Variants in SSH2 observed in about 807,000 individuals in gnomAD.
SSH2 encodes slingshot protein phosphatase 2.
In SSH2, 37 loss-of-function variants were observed where a neutral mutation model predicts 135.2. The observed-to-expected ratio is 0.27, with a 90% CI of 0.21 to 0.36. SSH2 has a LOEUF of 0.36. Among genes scored for constraint, SSH2 ranks in the 10% least tolerant of loss-of-function variants. The pLI, the probability that SSH2 is intolerant of heterozygous loss-of-function variation, is 1.00. For synonymous variants in SSH2, 628 were observed against 646.2 expected (o/e 0.97, Z 0.43); for missense variants, 1,408 against 1,765.3 (o/e 0.80, Z 3.63).
chr17:29,875,771 A>G (rs779259053), intron 1 of SSH2, among the ~76,000 whole-genome samples: 2 of 152,102 alleles, frequency 1.3e-5, no homozygotes, highest in African/African-American at 2.4e-5. Context: ...TTTTGTTTAA[A>G]TGACTCTTTT....
chr17:29,637,547 C>T (rs146687532), intron 14 of SSH2, among the ~76,000 whole-genome samples: 132 of 152,118 alleles, frequency 8.7e-4, no homozygotes, highest in African/African-American at 3.0e-3. Context: ...CATGGGAGGC[C>T]GAGGCGGGCA....
chr17:29,883,879 T>C (rs1349321128), intron 1 of SSH2, among the ~76,000 whole-genome samples: 3 of 152,116 alleles, frequency 2.0e-5, no homozygotes, highest in Non-Finnish European at 2.9e-5. Context: ...ACAAGAAAAA[T>C]ATTTGACCTT....
intron 5 of SSH2, among the ~76,000 whole-genome samples, chr17:29,691,365 A>T (rs767553062): frequency 6.6e-6 from 1 of 152,184 alleles, no homozygotes; most frequent in African/African-American, 2.4e-5. Context: ...AACGTGCAAG[A>T]GTACTATAAA....
At chr17:29,730,211 A>G (rs2040133229) in intron 3 of SSH2, among the ~76,000 whole-genome samples, 1 of 151,464 alleles carries the variant, frequency 6.6e-6, no homozygotes, top group South Asian at 2.1e-4. Flanking sequence ...GGTCCCTGCT[A>G]CTTGGGAGGC....
intron 3 of SSH2, among the ~76,000 whole-genome samples, chr17:29,761,887 A>T (rs28525049): frequency 0.94 from 134,980 of 143,582 alleles, 63,825 homozygotes; most frequent in South Asian, 0.99. Flanking sequence ...ATATATATAT[A>T]TTTTTTTTTG....
intron 3 of SSH2, among the ~76,000 whole-genome samples, chr17:29,707,860 G>C (rs150952858): frequency 1.3e-5 from 2 of 151,976 alleles, no homozygotes; most frequent in Non-Finnish European, 1.5e-5. Context: ...TAATAGGCGC[G>C]ATACAGGCTC....
chr17:29,636,875 TC>T, intron 14 of SSH2, 73 bp from the exon 15 acceptor site: 1 of 1,054,028 alleles, frequency 9.5e-7, no homozygotes, highest in African/African-American at 1.6e-5. Flanking sequence ...AGGAAAACAC[TC>T]CCAGATAAAT....
Position 29,703,065 on chromosome 17 carries a change from A to G in SSH2, c.189-3T>C, listed in dbSNP as rs1449224365. 4 of 1,605,180 alleles carry G rather than the reference A, an allele frequency of 2.5e-6. No homozygotes were observed. The Admixed American group carries it at 6.7e-5, about 27-fold the overall frequency. On this transcript the variant is annotated splice_polypyrimidine_tract_variant and splice_region_variant and intron_variant, in intron 3 of 15. Coordinates refer to ENST00000540801, the MANE Select transcript of SSH2 (RefSeq NM_001282129.2). ...CAGTTAGAAAGCTCTCGCTGATGCTACAAGGAAAAAGTCAAAAGAAAATAA... is the reference window on the plus strand; with the variant it reads ...CAGTTAGAAAGCTCTCGCTGATGCTGCAAGGAAAAAGTCAAAAGAAAATAA...
chr17:29,703,374 G>A (rs971480636), intron 3 of SSH2, among the ~76,000 whole-genome samples: 2 of 151,540 alleles, frequency 1.3e-5, no homozygotes, highest in South Asian at 2.1e-4. Context: ...TCAGCCTCCC[G>A]AGTAGGCTGG....
intron 3 of SSH2, among the ~76,000 whole-genome samples, chr17:29,769,381 T>C (rs1056746481): frequency 6.6e-6 from 1 of 152,210 alleles, no homozygotes; most frequent in South Asian, 2.1e-4. Flanking sequence ...ATCCTACTTA[T>C]GCCTAGCAGG....
At chr17:29,787,277 T>G (rs1332493624) in intron 3 of SSH2, among the ~76,000 whole-genome samples, 5 of 152,216 alleles carry the variant, frequency 3.3e-5, no homozygotes, top group Non-Finnish European at 7.3e-5. Flanking sequence ...TGTCCTCATT[T>G]TTACCCACGT....
At chr17:29,749,785 G>T (rs1162014685) in intron 3 of SSH2, among the ~76,000 whole-genome samples, 1 of 152,136 alleles carries the variant, frequency 6.6e-6, no homozygotes, top group East Asian at 1.9e-4. Context: ...GGAGTACAGT[G>T]GCATGATCTC....
chr17:29,761,139 G>C (rs937805568), intron 3 of SSH2: 87 of 1,288,628 alleles, frequency 6.8e-5, no homozygotes, highest in Non-Finnish European at 8.4e-5. Flanking sequence ...GAGGGCGCGC[G>C]GCGGACTCAC....
At chr17:29,809,591 T>C (rs1348620032) in intron 2 of SSH2, among the ~76,000 whole-genome samples, 1 of 152,020 alleles carries the variant, frequency 6.6e-6, no homozygotes, top group African/African-American at 2.4e-5. Flanking sequence ...AATCTAACTC[T>C]GAAGCCCAGA....
chr17:29,661,050 A>C (rs1229737033), intron 11 of SSH2, among the ~76,000 whole-genome samples: 1 of 150,412 alleles, frequency 6.6e-6, no homozygotes, highest in Non-Finnish European at 1.5e-5. Flanking sequence ...AAAAAGAGTG[A>C]AATTCCATCT....
intron 14 of SSH2, among the ~76,000 whole-genome samples, chr17:29,644,454 T>C (rs1265347041): frequency 6.6e-6 from 1 of 152,224 alleles, no homozygotes; most frequent in Non-Finnish European, 1.5e-5. Flanking sequence ...CAAACAGCCC[T>C]GCTGATACAA....
rs1165835270 is a variant in SSH2 at position 29,629,463 on chromosome 17, G to A, written c.*1378C>T. 6.5e-6 allele frequency: 1 copy of A among 152,694 alleles called. No individual in the cohort carries two copies. Among genetic ancestry groups the A allele is most frequent in the Non-Finnish European group, 1.5e-5 (1 of 68,038 alleles). 9.5% of individuals were successfully genotyped at this position (152,694 alleles called of 1,614,324 possible). ...AAAGTTACTAATGCATAATTTGGCA[G>A]GAGCTGGTGATTGGAAGTCTCCATT... On this transcript the variant is annotated 3_prime_UTR_variant, in exon 16 of 16. Coordinates refer to ENST00000540801, the MANE Select transcript of SSH2 (RefSeq NM_001282129.2).
At chr17:29,745,295 G>A (rs1202917880) in intron 3 of SSH2, among the ~76,000 whole-genome samples, 1 of 152,006 alleles carries the variant, frequency 6.6e-6, no homozygotes, top group South Asian at 2.1e-4. Context: ...GAGTAGCGGG[G>A]ATTACAGGCG....
At chr17:29,918,891 C>T (rs1336301207) in intron 1 of SSH2, among the ~76,000 whole-genome samples, 3 of 151,832 alleles carry the variant, frequency 2.0e-5, no homozygotes, top group South Asian at 2.1e-4. Flanking sequence ...GAGCCAAGAT[C>T]GTGCCACTGC....
Sources: allele counts gnomAD v4.1 joint callset (sites outside exome capture counted in the v4.1 genomes callset), GRCh38; gene constraint gnomAD v4.1.1; transcripts MANE v1.5; gene names NCBI Gene and HGNC (gene_info 2026-07-23, HGNC 2026-07-21).